SIPA1L3: variants seen among roughly 807,000 people sequenced by gnomAD.
SIPA1L3 encodes signal-induced proliferation-associated 1-like protein 3.
In SIPA1L3, 59 loss-of-function variants were observed where a neutral mutation model predicts 150.1. The observed-to-expected ratio is 0.39, with a 90% CI of 0.32 to 0.49. The LOEUF (loss-of-function observed/expected upper bound fraction) is 0.49. Among genes scored for constraint, SIPA1L3 ranks in the 20% least tolerant of loss-of-function variants. SIPA1L3 has a pLI of 0.86. For missense variants in SIPA1L3, 2,211 were observed against 2,489.5 expected (o/e 0.89, Z 2.38); for synonymous variants, 1,070 against 1,077.6 (o/e 0.99, Z 0.14).
chr19:38,152,858 C>G lies in SIPA1L3; in HGVS notation c.3552C>G (p.His1184Gln). 1 of 1,612,636 alleles carries G rather than the reference C, an allele frequency of 6.2e-7. No homozygotes were observed. ...PSPERYTAAP[H>Q]PLLSLDPHFS... ...CCTGCAGGTACACGGCTGCCCCACA[C>G]CCCCTGCTATCTCTTGATCCCCACT... The change falls in exon 13 of 22, where the codon CAC (histidine) becomes CAG (glutamine). Residue 1184 changes from histidine (H) to glutamine (Q), a missense_variant. His to Gln is a conservative substitution (Grantham distance 24). Around this residue, in one of 5 missense-constraint regions of SIPA1L3, gnomAD observed 806 missense variants for 870.1 expected, o/e 0.93. Transcript: ENST00000222345.
rs201043296 is a variant in SIPA1L3 at position 38,110,395 on chromosome 19, C to A, written c.2291+11C>A. On this transcript the variant is annotated intron_variant, in intron 8 of 21. Transcript: ENST00000222345. The stretch of plus-strand genomic sequence containing the variant: ...TAACGTCTGTTACAGGTATGCCCCC[C>A]ACACCCGGCCCCCAGCAGCGTATGG... 17 of 1,608,022 alleles carry A rather than the reference C, an allele frequency of 1.1e-5. No homozygotes were observed. The South Asian group carries it at 1.2e-4, about 11-fold the overall frequency.
chr19:38,030,003 T>G (rs1968609020), intron 2 of SIPA1L3, among the ~76,000 whole-genome samples: 1 of 151,968 alleles, frequency 6.6e-6, no homozygotes, highest in Non-Finnish European at 1.5e-5. Flanking sequence ...TACAGGCCCC[T>G]GACATCATGC....
intron 1 of SIPA1L3, among the ~76,000 whole-genome samples, chr19:38,028,786 G>A (rs751583813): frequency 6.0e-5 from 9 of 149,770 alleles, no homozygotes; most frequent in Non-Finnish European, 1.0e-4. Context: ...TCCACCTCCC[G>A]GGTTCAAGTG....
intron 10 of SIPA1L3, among the ~76,000 whole-genome samples, chr19:38,139,261 G>C (rs1790580364): frequency 6.6e-6 from 1 of 152,202 alleles, no homozygotes; most frequent in African/African-American, 2.4e-5. Flanking sequence ...TGACAATTCT[G>C]TGCTAGTCAT....
chr19:38,130,123 A>G (rs900987916), intron 9 of SIPA1L3, among the ~76,000 whole-genome samples: 2 of 152,208 alleles, frequency 1.3e-5, no homozygotes, highest in East Asian at 1.9e-4. Context: ...AGGACATGGC[A>G]GTGCCACTCG....
At chr19:38,011,083 G>T (rs2145680557) in intron 1 of SIPA1L3, among the ~76,000 whole-genome samples, 1 of 152,268 alleles carries the variant, frequency 6.6e-6, no homozygotes, top group East Asian at 1.9e-4. Flanking sequence ...ATACTTTCTT[G>T]TGAGTGGCAG....
chr19:38,173,903 C>T (rs750044093), intron 15 of SIPA1L3, among the ~76,000 whole-genome samples: 45 of 151,318 alleles, frequency 3.0e-4, no homozygotes, highest in Non-Finnish European at 2.4e-4. Context: ...GAACAGCTTC[C>T]GCATGGCTGG....
chr19:37,955,383 C>T (rs948383902), intron 1 of SIPA1L3, among the ~76,000 whole-genome samples: 5 of 139,904 alleles, frequency 3.6e-5, no homozygotes, highest in African/African-American at 1.4e-4. Flanking sequence ...AAGAGCAAAA[C>T]TCTGTCTCAA....
intron 6 of SIPA1L3, among the ~76,000 whole-genome samples, chr19:38,103,775 G>C (rs1006943488): frequency 4.6e-5 from 7 of 151,334 alleles, no homozygotes; most frequent in Admixed American, 6.6e-5. Flanking sequence ...ACAGGCGAGC[G>C]CCTGTAGTCC....
Position 38,151,630 on chromosome 19 carries a change from G to A in SIPA1L3, c.3534-1210G>A, listed in dbSNP as rs567500273. Among the ~76,000 whole-genome samples the A allele has an allele frequency of 5.7e-4, 87 of 152,242 alleles. 1 individual carries two copies. In the South Asian group the frequency reaches 0.016, roughly 28 times the overall value. On this transcript the variant is annotated intron_variant, in intron 12 of 21. Coordinates refer to ENST00000222345, the MANE Select transcript of SIPA1L3 (RefSeq NM_015073.3). Reference sequence around the variant, plus strand: ...GGCTGTGATCCAAGGAGGACTGGACGTTAGGAAGTGTCTACAAGATTCACC... The same window carrying A: ...GGCTGTGATCCAAGGAGGACTGGACATTAGGAAGTGTCTACAAGATTCACC...
chr19:38,193,762 G>A lies in SIPA1L3; in HGVS notation c.4822G>A (p.Gly1608Ser), dbSNP rs779478094. ...CGGTGCCACCCCTGCCGCCGGCAGC[G>A]GCTTTCCCGAGAAGAAATGTGAGCC... ...GPGATPAAGS[G>S]FPEKKSTISA... is the part of the protein sequence containing the mutation. The change falls in exon 18 of 22, where the codon GGC (glycine) becomes AGC (serine). Residue 1608 changes from glycine (G) to serine (S), a missense_variant. Around this residue, in one of 5 missense-constraint regions of SIPA1L3, gnomAD observed 806 missense variants for 870.1 expected, o/e 0.93. Coordinates refer to ENST00000222345, the MANE Select transcript of SIPA1L3 (RefSeq NM_015073.3). The A allele has an allele frequency of 5.5e-5, 86 of 1,573,476 alleles. 1 individual carries two copies. In the South Asian group the frequency reaches 6.5e-4, roughly 12 times the overall value.
In SIPA1L3 at chr19:38,164,566, C is replaced by T. The variant is rs1161946669; in HGVS notation, c.3868C>T (p.Pro1290Ser). 2 of 1,614,078 alleles carry T rather than the reference C, an allele frequency of 1.2e-6. No individual in the cohort carries two copies. Among genetic ancestry groups the T allele is most frequent in the Admixed American group, 3.3e-5 (2 of 60,012 alleles). ...CCACAGCGACGACCGCTGGTTCGAC[C>T]CCCTGGACCCCCTGGAGCCAGAGCA... ...SSHSDDRWFD[P>S]LDPLEPEQDP... is the part of the protein sequence containing the mutation. The change falls in exon 15 of 22, where the codon CCC becomes TCC. Residue 1290 changes from proline (P) to serine (S), a missense_variant. Transcript: ENST00000222345. This position sits in a 1 kb window ranked among gnomAD's most constrained non-coding sequence, Gnocchi z 4.1.
chr19:37,954,309 A>G (rs1568477575), intron 1 of SIPA1L3, among the ~76,000 whole-genome samples: 2 of 152,208 alleles, frequency 1.3e-5, no homozygotes, highest in Non-Finnish European at 2.9e-5. Flanking sequence ...CATGTTTGGC[A>G]GAAAGATACT....
intron 13 of SIPA1L3, among the ~76,000 whole-genome samples, chr19:38,155,544 CTG>C (rs1971926567): frequency 6.6e-6 from 1 of 152,180 alleles, no homozygotes; most frequent in South Asian, 2.1e-4. Flanking sequence ...CCTTTGAAGT[CTG>C]AGAACCAGCA....
chr19:38,175,722 C>T (rs1159257425), intron 15 of SIPA1L3, among the ~76,000 whole-genome samples: 1 of 152,148 alleles, frequency 6.6e-6, no homozygotes, highest in Admixed American at 6.5e-5. Flanking sequence ...GCTGTCATTG[C>T]CTCATTTCTC....
intron 1 of SIPA1L3, among the ~76,000 whole-genome samples, chr19:37,916,473 T>C (rs2046415630): frequency 7.1e-6 from 1 of 140,504 alleles, no homozygotes; most frequent in African/African-American, 2.7e-5. Flanking sequence ...CAGTGAGCTA[T>C]GATCACACCA....
At chr19:38,072,547 A>T (rs937863484) in intron 2 of SIPA1L3, among the ~76,000 whole-genome samples, 7 of 151,910 alleles carry the variant, frequency 4.6e-5, no homozygotes, top group Admixed American at 3.3e-4. Flanking sequence ...AGCTGCAGCG[A>T]CTCCATCCCT....
At chr19:38,130,854 G>A (rs1164625804) in intron 10 of SIPA1L3, 82 bp downstream of exon 10, 2 of 1,465,932 alleles carry the variant, frequency 1.4e-6, no homozygotes, top group African/African-American at 2.8e-5. Flanking sequence ...ACTGTCACTT[G>A]AGGTCCCAAT....
chr19:38,117,358 G>A (rs1366506207), intron 8 of SIPA1L3, among the ~76,000 whole-genome samples: 1 of 152,118 alleles, frequency 6.6e-6, no homozygotes, highest in Non-Finnish European at 1.5e-5. Flanking sequence ...AGTGGTTCAT[G>A]CCTGTAATCC....
Sources: gnomAD v4.1 joint callset for allele counts (sites outside exome capture counted in the v4.1 genomes callset) on GRCh38, gnomAD v4.1.1 for gene constraint, gnomAD v4.1.1 regional missense constraint, Gnocchi (gnomAD v3.1) non-coding constraint, MANE v1.5 for transcripts, NCBI Gene and HGNC (gene_info 2026-07-23, HGNC 2026-07-21) for gene names.